The following DARS1 variants were observed in gnomAD, a reference collection of about 807,000 sequenced individuals.
DARS1 encodes the protein aspartyl-tRNA synthetase 1.
Under a neutral mutation model 68.8 loss-of-function variants are expected in DARS1, and 51 were observed. The ratio of observed to expected loss-of-function variants is 0.74; its 90% CI spans 0.59 to 0.94. The LOEUF is 0.94. Among genes scored for constraint, DARS1 ranks in the 40% least tolerant of loss-of-function variants. The probability of loss-of-function intolerance (pLI) is 0.00; values close to 1 mark genes in which losing one functional copy is unlikely to be tolerated. For missense variants in DARS1, 607 were observed against 597.3 expected (o/e 1.02, Z -0.17); for synonymous variants, 203 against 190.4 (o/e 1.07, Z -0.55).
At chr2:135,909,139 T>A (rs879752773) in intron 15 of DARS1, among the ~76,000 whole-genome samples, 1 of 49,758 alleles carries the variant, frequency 2.0e-5, no homozygotes, top group Non-Finnish European at 4.0e-5. Flanking sequence ...GTCGGGAGGG[T>A]GGGGTGGGGG....
intron 9 of DARS1, 95 bp downstream of exon 9, chr2:135,922,689 A>C: frequency 2.2e-6 from 3 of 1,340,776 alleles, no homozygotes; most frequent in East Asian, 2.9e-5. Flanking sequence ...TTAAGCTTTC[A>C]AAGTGTCTGT....
intron 7 of DARS1, among the ~76,000 whole-genome samples, chr2:135,928,672 CTTT>C (rs755852990): frequency 2.2e-5 from 3 of 134,774 alleles, no homozygotes; most frequent in Admixed American, 7.5e-5. Context: ...TTTCTTTTTC[CTTT>C]TTTTTTTTTT....
intron 4 of DARS1, among the ~76,000 whole-genome samples, chr2:135,949,838 C>T (rs1036313988): frequency 6.6e-6 from 1 of 152,044 alleles, no homozygotes; most frequent in Non-Finnish European, 1.5e-5. Context: ...TAGTTGGCTC[C>T]GTATTAAATT....
At chr2:135,947,130 C>T (rs1010890210) in intron 4 of DARS1, among the ~76,000 whole-genome samples, 1 of 151,910 alleles carries the variant, frequency 6.6e-6, no homozygotes, top group Admixed American at 6.6e-5. Context: ...TTAGCCCAGG[C>T]ACGGTGGCTC....
chr2:135,959,391 CAAAAAAAAAAAAAAAAAAAA>C (rs66527494), intron 4 of DARS1, among the ~76,000 whole-genome samples: 15 of 15,032 alleles, frequency 1.0e-3, no homozygotes, highest in South Asian at 3.1e-3. Flanking sequence ...AACTCCGTCT[CAAAAAAAAAAAAAAAAAAAA>C]AAAAAAAAAA....
chr2:135,911,581 G>T, intron 13 of DARS1, 88 bp from the exon 14 acceptor site: 1 of 668,962 alleles, frequency 1.5e-6, no homozygotes, highest in Non-Finnish European at 2.7e-6. Flanking sequence ...TGCATGAAGA[G>T]CAAGTTCATT....
intron 4 of DARS1, among the ~76,000 whole-genome samples, chr2:135,950,408 T>A (rs575822046): frequency 6.6e-6 from 1 of 152,356 alleles, no homozygotes; most frequent in South Asian, 2.1e-4. Context: ...AATAGTTAGC[T>A]CGTTCACTAA....
intron 4 of DARS1, among the ~76,000 whole-genome samples, chr2:135,953,789 G>A (rs1458678422): frequency 1.3e-5 from 2 of 152,088 alleles, no homozygotes; most frequent in Non-Finnish European, 2.9e-5. Flanking sequence ...AAACTCATTA[G>A]TGTTACTAAT....
At chr2:135,969,368 A>G (rs1353870105) in intron 3 of DARS1, among the ~76,000 whole-genome samples, 1 of 152,210 alleles carries the variant, frequency 6.6e-6, no homozygotes, top group Non-Finnish European at 1.5e-5. Context: ...CACAGAACAA[A>G]TTAAGAATGA....
intron 4 of DARS1, among the ~76,000 whole-genome samples, chr2:135,953,104 C>T (rs988941197): frequency 2.0e-5 from 3 of 152,050 alleles, no homozygotes; most frequent in Non-Finnish European, 2.9e-5. Flanking sequence ...TTGCATAGGA[C>T]GGTTAGTTTT....
intron 7 of DARS1, among the ~76,000 whole-genome samples, chr2:135,928,629 T>C (rs1215746747): frequency 6.7e-6 from 1 of 148,322 alleles, no homozygotes; most frequent in East Asian, 2.0e-4. Context: ...ATTACAGGCA[T>C]GAGCCACCAT....
intron 5 of DARS1, among the ~76,000 whole-genome samples, chr2:135,938,255 T>A (rs181803614): frequency 6.6e-6 from 1 of 152,362 alleles, no homozygotes; most frequent in East Asian, 1.9e-4. Context: ...CAATCACAGA[T>A]ACTCTTTCTT....
At chr2:135,919,599 C>T (rs1007940090) in intron 10 of DARS1, among the ~76,000 whole-genome samples, 1 of 152,140 alleles carries the variant, frequency 6.6e-6, no homozygotes, top group Non-Finnish European at 1.5e-5. Flanking sequence ...CAACTTGACT[C>T]GGTTCTATTT....
chr2:135,940,673 G>A (rs182077740), intron 5 of DARS1, among the ~76,000 whole-genome samples: 6 of 152,132 alleles, frequency 3.9e-5, no homozygotes, highest in South Asian at 4.1e-4. Context: ...AATCAGGCAC[G>A]AGAAAGGAAT....
chr2:135,944,323 A>G (rs1681670311), intron 4 of DARS1, among the ~76,000 whole-genome samples: 1 of 152,182 alleles, frequency 6.6e-6, no homozygotes, highest in Non-Finnish European at 1.5e-5. Flanking sequence ...ATAGTTGATG[A>G]AAAGGATAAG....
chr2:135,908,841 C>T (rs563564715), intron 15 of DARS1, among the ~76,000 whole-genome samples: 1 of 152,218 alleles, frequency 6.6e-6, no homozygotes, highest in East Asian at 1.9e-4. Flanking sequence ...CGTGTATGTT[C>T]ATTGCAGCAC....
Position 135,964,740 on chromosome 2 carries a change from T to C in DARS1, c.218-3242A>G, listed in dbSNP as rs140621097. On this transcript the variant is annotated intron_variant, in intron 3 of 15. Transcript: ENST00000264161. Reference sequence around the variant, plus strand: ...CCTGTAATACCAACTACTTGGGAGGTTGAGGCAGGAGAATTGCTTGAACCC... The same window carrying C: ...CCTGTAATACCAACTACTTGGGAGGCTGAGGCAGGAGAATTGCTTGAACCC... Among the ~76,000 whole-genome samples the C allele has an allele frequency of 2.2e-4, 32 of 143,360 alleles. 3 individuals carry two copies. Among genetic ancestry groups the C allele is most frequent in the African/African-American group, 7.3e-4 (28 of 38,268 alleles). 94.0% of individuals were successfully genotyped at this position (143,360 alleles called of 152,430 possible).
At chr2:135,978,312 G>C (rs2104848438) in intron 3 of DARS1, among the ~76,000 whole-genome samples, 1 of 152,094 alleles carries the variant, frequency 6.6e-6, no homozygotes. Context: ...CTATTATCAT[G>C]GGACATATTA....
At chr2:135,950,651 A>T (rs1681821123) in intron 4 of DARS1, among the ~76,000 whole-genome samples, 1 of 152,234 alleles carries the variant, frequency 6.6e-6, no homozygotes, top group Non-Finnish European at 1.5e-5. Context: ...CTTTCCAATT[A>T]TACTTAGAAA....
Sources: allele counts gnomAD v4.1 joint callset (sites outside exome capture counted in the v4.1 genomes callset), GRCh38; gene constraint gnomAD v4.1.1; transcripts MANE v1.5; gene names NCBI Gene and HGNC (gene_info 2026-07-23, HGNC 2026-07-21).